The following GNAO1 variants were observed in gnomAD, a reference collection of about 807,000 sequenced individuals.
GNAO1 encodes the protein guanine nucleotide-binding protein G(o) subunit alpha.
For synonymous variants in GNAO1, 164 were observed against 180.7 expected (o/e 0.91, Z 0.74); for missense variants, 166 against 478.7 (o/e 0.35, Z 6.10).
chr16:56,332,541 C>T lies in GNAO1; in HGVS notation c.465-2188C>T, dbSNP rs150162479. 5.5e-3 allele frequency among the ~76,000 whole-genome samples: 834 copies of T among 152,354 alleles called. 8 individuals carry two copies. The highest frequency in any genetic ancestry group is 0.019 in the African/African-American group (799 of 41,586). On this transcript the variant is annotated intron_variant, in intron 4 of 8. Transcript: ENST00000262493. ...TCTGACTCTTCTGTTTACCACCTCACACACGTGTGCACACTCACTTGGAAC... is the reference window on the plus strand; with the variant it reads ...TCTGACTCTTCTGTTTACCACCTCATACACGTGTGCACACTCACTTGGAAC...
intron 6 of GNAO1, chr16:56,345,665 C>A: frequency 5.1e-6 from 5 of 985,566 alleles, no homozygotes; most frequent in Non-Finnish European, 6.0e-6. Context: ...GCACCAGGTG[C>A]TGGGACGTGG....
At chr16:56,345,555 G>A (rs2037857973) in intron 6 of GNAO1, 2 of 985,258 alleles carry the variant, frequency 2.0e-6, no homozygotes, top group Non-Finnish European at 2.4e-6. Flanking sequence ...TGCCTGCAGG[G>A]ACCGGTGCCT....
chr16:56,342,021 C>T (rs1387218236), intron 6 of GNAO1, among the ~76,000 whole-genome samples: 2 of 152,210 alleles, frequency 1.3e-5, no homozygotes, highest in Non-Finnish European at 2.9e-5. Flanking sequence ...CCATATCAGG[C>T]TGAGTGCCTG....
chr16:56,322,065 G>A (rs1242625462), intron 3 of GNAO1, among the ~76,000 whole-genome samples: 5 of 152,184 alleles, frequency 3.3e-5, no homozygotes, highest in Non-Finnish European at 7.3e-5. Context: ...GCGTCCTCAC[G>A]TGGTGGAAGG....
chr16:56,248,824 G>A (rs1156688031), intron 2 of GNAO1, among the ~76,000 whole-genome samples: 2 of 152,220 alleles, frequency 1.3e-5, no homozygotes, highest in Non-Finnish European at 2.9e-5. Flanking sequence ...GGGAGCCAGA[G>A]GACTGGGCTA....
At chr16:56,293,078 A>G (rs1174800952) in intron 3 of GNAO1, among the ~76,000 whole-genome samples, 1 of 152,218 alleles carries the variant, frequency 6.6e-6, no homozygotes, top group African/African-American at 2.4e-5. Context: ...GGACTGGGGA[A>G]GGTCACAAGG....
chr16:56,346,285 C>T (rs2143690200), intron 6 of GNAO1: 2 of 985,374 alleles, frequency 2.0e-6, no homozygotes, highest in Non-Finnish European at 1.2e-6. Flanking sequence ...TTGGCTCCGT[C>T]GTGGATGTGG....
chr16:56,202,529 G>A lies in GNAO1; in HGVS notation c.161+9913G>A, dbSNP rs528877646. On this transcript the variant is annotated intron_variant, in intron 2 of 8. Coordinates refer to ENST00000262493, the MANE Select transcript of GNAO1 (RefSeq NM_020988.3). Reference sequence around the variant, plus strand: ...ATCCAGATCCCTGATGAATGGAAAAGTTGAAGGTATAGGAAGGAGGAAGTG... The same window carrying A: ...ATCCAGATCCCTGATGAATGGAAAAATTGAAGGTATAGGAAGGAGGAAGTG... 5.9e-5 allele frequency among the ~76,000 whole-genome samples: 9 copies of A among 152,336 alleles called. No individual in the cohort carries two copies. The South Asian group carries it at 1.7e-3, about 28-fold the overall frequency.
intron 3 of GNAO1, 97 bp from the exon 4 acceptor site, chr16:56,328,534 C>A: frequency 7.9e-7 from 1 of 1,271,566 alleles, no homozygotes; most frequent in Non-Finnish European, 1.1e-6. Flanking sequence ...ACTGGCTGGG[C>A]TCTCATCACA....
chr16:56,233,886 T>C (rs2036613461), intron 2 of GNAO1, among the ~76,000 whole-genome samples: 1 of 152,210 alleles, frequency 6.6e-6, no homozygotes, highest in African/African-American at 2.4e-5. Flanking sequence ...GGCCTGCTGA[T>C]GTTGATTTTA....
chr16:56,192,726 G>GTGCA (rs149880726), intron 2 of GNAO1, 110 bp downstream of exon 2: 19 of 564,878 alleles, frequency 3.4e-5, no homozygotes, highest in African/African-American at 3.3e-4. Flanking sequence ...TTTAATTCGT[G>GTGCA]CACACACACA....
At chr16:56,304,484 A>G (rs2037374958) in intron 3 of GNAO1, among the ~76,000 whole-genome samples, 2 of 152,202 alleles carry the variant, frequency 1.3e-5, no homozygotes, top group Admixed American at 1.3e-4. Flanking sequence ...CATTGTTGGG[A>G]GCTGGCTTTC....
At chr16:56,337,287 A>G (rs60089626) in intron 6 of GNAO1, among the ~76,000 whole-genome samples, 57,008 of 152,168 alleles carry the variant, frequency 0.37, 11,155 homozygotes, top group African/African-American at 0.46. Flanking sequence ...CTGAAGCAGC[A>G]TGGGGCCGGG....
intron 2 of GNAO1, among the ~76,000 whole-genome samples, chr16:56,206,129 G>T (rs1339895006): frequency 6.6e-6 from 1 of 152,160 alleles, no homozygotes; most frequent in East Asian, 1.9e-4. Context: ...GACCATCCTG[G>T]ATAACACGGT....
At chr16:56,228,609 G>A (rs2036557174) in intron 2 of GNAO1, among the ~76,000 whole-genome samples, 1 of 152,166 alleles carries the variant, frequency 6.6e-6, no homozygotes, top group East Asian at 1.9e-4. Flanking sequence ...CCGGCCCTGA[G>A]CCGGGACCAG....
intron 4 of GNAO1, among the ~76,000 whole-genome samples, chr16:56,332,734 G>A (rs1002649440): frequency 5.9e-5 from 9 of 152,324 alleles, no homozygotes; most frequent in East Asian, 1.9e-4. Context: ...CATGAGGCTC[G>A]GCCAGCACAG....
intron 2 of GNAO1, among the ~76,000 whole-genome samples, chr16:56,204,823 T>C (rs2036312009): frequency 6.6e-6 from 1 of 152,206 alleles, no homozygotes; most frequent in African/African-American, 2.4e-5. Context: ...CCTGTTTAGC[T>C]TGATGGTCCC....
chr16:56,336,907 G>GCCGCA, intron 6 of GNAO1, 47 bp downstream of exon 6: 1 of 1,566,612 alleles, frequency 6.4e-7, no homozygotes, highest in Non-Finnish European at 8.6e-7. Context: ...TGAGGAGACG[G>GCCGCA]CCGCAGGATA....
chr16:56,316,195 T>C (rs1313530223), intron 3 of GNAO1, among the ~76,000 whole-genome samples: 2 of 152,008 alleles, frequency 1.3e-5, no homozygotes, highest in Non-Finnish European at 2.9e-5. Context: ...GCTCCCCTGC[T>C]CCTGCAGGAA....
Sources: gnomAD v4.1 joint callset for allele counts (sites outside exome capture counted in the v4.1 genomes callset) on GRCh38, gnomAD v4.1.1 for gene constraint, MANE v1.5 for transcripts, NCBI Gene and HGNC (gene_info 2026-07-23, HGNC 2026-07-21) for gene names.